Variants in GTF2F2 observed in about 807,000 individuals in gnomAD.
GTF2F2 encodes the protein general transcription factor IIF subunit 2.
GTF2F2 carries 23 observed loss-of-function variants against 42.2 expected under a neutral mutation model. The observed-to-expected ratio is 0.55, with a 90% CI of 0.39 to 0.77. The LOEUF (loss-of-function observed/expected upper bound fraction) is 0.77. Ranked by LOEUF, GTF2F2 falls within the 30% of genes least tolerant of loss-of-function variation. The probability of loss-of-function intolerance (pLI) is 0.00; values close to 1 mark genes in which losing one functional copy is unlikely to be tolerated. For missense variants in GTF2F2, 261 were observed against 287.2 expected (o/e 0.91, Z 0.66); for synonymous variants, 105 against 100.8 (o/e 1.04, Z -0.25).
At chr13:45,163,686 A>G (rs981203467) in intron 4 of GTF2F2, among the ~76,000 whole-genome samples, 1 of 152,174 alleles carries the variant, frequency 6.6e-6, no homozygotes, top group African/African-American at 2.4e-5. Flanking sequence ...ACCTCATTCA[A>G]GGTTATAGTA....
chr13:45,192,392 A>G (rs1872693450), intron 4 of GTF2F2, among the ~76,000 whole-genome samples: 1 of 152,180 alleles, frequency 6.6e-6, no homozygotes, highest in South Asian at 2.1e-4. Context: ...TCTGGAAATG[A>G]ACATTAGCTT....
intron 5 of GTF2F2, among the ~76,000 whole-genome samples, chr13:45,235,041 C>CAAAAAAAAAAAA (rs61077504): frequency 2.3e-5 from 1 of 43,718 alleles, no homozygotes; most frequent in Non-Finnish European, 4.2e-5. Context: ...GCGGGAAACT[C>CAAAAAAAAAAAA]AAAAAAAAAA....
At chr13:45,199,764 A>T (rs1873084518) in intron 4 of GTF2F2, among the ~76,000 whole-genome samples, 1 of 152,226 alleles carries the variant, frequency 6.6e-6, no homozygotes, top group Admixed American at 6.5e-5. Context: ...ACTCTTGTAA[A>T]GGTAGTACAG....
chr13:45,244,375 T>C (rs538268130), intron 5 of GTF2F2, among the ~76,000 whole-genome samples: 2 of 152,314 alleles, frequency 1.3e-5, no homozygotes, highest in Non-Finnish European at 2.9e-5. Context: ...AAAAATGATA[T>C]TGAGATGATA....
chr13:45,279,877 C>T (rs1427713911), intron 7 of GTF2F2, among the ~76,000 whole-genome samples: 1 of 152,152 alleles, frequency 6.6e-6, no homozygotes, highest in Admixed American at 6.5e-5. Context: ...TGCACTCCAG[C>T]CTGGGCAACG....
chr13:45,257,688 A>C (rs185005850), intron 6 of GTF2F2, among the ~76,000 whole-genome samples: 1 of 152,174 alleles, frequency 6.6e-6, no homozygotes, highest in East Asian at 1.9e-4. Flanking sequence ...TATTATATTT[A>C]TATTATTATA....
At chr13:45,223,805 G>A (rs1336009877) in intron 5 of GTF2F2, among the ~76,000 whole-genome samples, 1 of 152,090 alleles carries the variant, frequency 6.6e-6, no homozygotes, top group Middle Eastern at 3.2e-3. Flanking sequence ...TGTTAACAAA[G>A]AACTAAAAAT....
chr13:45,183,773 A>G (rs958872662), intron 4 of GTF2F2, among the ~76,000 whole-genome samples: 4 of 152,148 alleles, frequency 2.6e-5, no homozygotes, highest in African/African-American at 7.2e-5. Context: ...GCCTGATACA[A>G]AGTAATACCT....
chr13:45,156,181 C>T (rs1462806481), intron 4 of GTF2F2, among the ~76,000 whole-genome samples: 2 of 152,072 alleles, frequency 1.3e-5, no homozygotes, highest in Non-Finnish European at 2.9e-5. Context: ...GGTGCTAAGC[C>T]CTGTGCTAGA....
intron 5 of GTF2F2, among the ~76,000 whole-genome samples, chr13:45,230,923 G>T (rs1874643762): frequency 6.6e-6 from 1 of 151,860 alleles, no homozygotes; most frequent in African/African-American, 2.4e-5. Flanking sequence ...GCTTTTGTGG[G>T]GTTTTTTTTG....
chr13:45,251,367 T>G (rs1255082116), intron 5 of GTF2F2, among the ~76,000 whole-genome samples: 6 of 152,184 alleles, frequency 3.9e-5, no homozygotes, highest in Non-Finnish European at 7.4e-5. Flanking sequence ...TCAAATAAAA[T>G]AATACATAAT....
chr13:45,153,976 CAAAAAAAAAAA>C (rs71070960), intron 4 of GTF2F2, among the ~76,000 whole-genome samples: 4 of 71,486 alleles, frequency 5.6e-5, no homozygotes, highest in East Asian at 8.1e-4. Flanking sequence ...GACTCAGTCT[CAAAAAAAAAAA>C]AAAAAAAAAA....
At chr13:45,206,576 T>C (rs1466922405) in intron 4 of GTF2F2, 1 of 152,224 alleles carries the variant, frequency 6.6e-6, no homozygotes, top group Non-Finnish European at 1.5e-5. Context: ...TATGACTGTT[T>C]CTAACCACAG....
intron 1 of GTF2F2, among the ~76,000 whole-genome samples, chr13:45,132,531 A>G (rs918443064): frequency 7.2e-5 from 11 of 152,222 alleles, no homozygotes; most frequent in African/African-American, 2.6e-4. Context: ...CAATGAGAGA[A>G]GACAGAAGTT....
intron 6 of GTF2F2, among the ~76,000 whole-genome samples, chr13:45,262,994 A>G (rs935707015): frequency 1.3e-5 from 2 of 152,006 alleles, no homozygotes; most frequent in African/African-American, 2.4e-5. Context: ...CCAGAGCACT[A>G]GGATTACAGG....
At chr13:45,162,578 A>G (rs1871090787) in intron 4 of GTF2F2, among the ~76,000 whole-genome samples, 1 of 152,230 alleles carries the variant, frequency 6.6e-6, no homozygotes, top group Admixed American at 6.5e-5. Flanking sequence ...GTTAAACCTA[A>G]TAGCAGAAAA....
Position 45,252,863 on chromosome 13 carries a change from T to C in GTF2F2, c.387-8T>C. On this transcript the variant is annotated splice_polypyrimidine_tract_variant and splice_region_variant and intron_variant, in intron 5 of 7. Coordinates refer to ENST00000340473, the MANE Select transcript of GTF2F2 (RefSeq NM_004128.3). ...AGAGTGTTAATAATGCCTTATATTT[T>C]TTTTCAGATTGCAAATAGAAGAGTC... 7.7e-7 allele frequency: 1 copy of C among 1,296,356 alleles called. No individual in the cohort carries two copies. The highest frequency in any genetic ancestry group is 1.1e-6 in the Non-Finnish European group (1 of 935,614). The allele number at this position is 1,296,356 out of a possible 1,614,324, so 80.3% of individuals were successfully genotyped here.
At chr13:45,213,038 G>A (rs944445990) in intron 5 of GTF2F2, among the ~76,000 whole-genome samples, 7 of 151,496 alleles carry the variant, frequency 4.6e-5, no homozygotes, top group East Asian at 1.9e-4. Flanking sequence ...CACCATGCCC[G>A]GCTAATTTTA....
At chr13:45,245,737 TTATCCACTCTTTTTTG>T (rs1009210443) in intron 5 of GTF2F2, among the ~76,000 whole-genome samples, 30 of 146,268 alleles carry the variant, frequency 2.1e-4, no homozygotes, top group Admixed American at 5.5e-4. Flanking sequence ...CACATTTTGT[TTATCCACTCTTTTTTG>T]TATCCACTCT....
Sources: gnomAD v4.1 joint callset for allele counts (sites outside exome capture counted in the v4.1 genomes callset) on GRCh38, gnomAD v4.1.1 for gene constraint, MANE v1.5 for transcripts, NCBI Gene and HGNC (gene_info 2026-07-23, HGNC 2026-07-21) for gene names.